Variants in RBM33 observed in about 807,000 individuals in gnomAD.
RBM33 encodes the protein RNA binding motif protein 33, also known as RNA-binding protein 33.
A neutral mutation model predicts 132.6 loss-of-function variants in RBM33; 28 were observed. The observed-to-expected ratio is 0.21, with a 90% CI of 0.16 to 0.29. The LOEUF is 0.29. RBM33 is among the 10% of genes least tolerant of loss of function. The pLI, the probability that RBM33 is intolerant of heterozygous loss-of-function variation, is 1.00. For synonymous variants in RBM33, 634 were observed against 593.0 expected (o/e 1.07, Z -1.01); for missense variants, 1,291 against 1,518.5 (o/e 0.85, Z 2.49).
intron 1 of RBM33, among the ~76,000 whole-genome samples, chr7:155,661,148 T>A (rs545815128): frequency 0.074 from 3,039 of 41,100 alleles, 162 homozygotes; most frequent in South Asian, 0.18. Flanking sequence ...ATATATATAT[T>A]TTTTTTTTTT....
chr7:155,675,642 T>C (rs552890410), intron 3 of RBM33, among the ~76,000 whole-genome samples: 1 of 152,298 alleles, frequency 6.6e-6, no homozygotes, highest in African/African-American at 2.4e-5. Context: ...ACGCACTCAC[T>C]CCCTACCTCC....
chr7:155,685,484 A>C (rs1030381314), intron 5 of RBM33, among the ~76,000 whole-genome samples: 2 of 152,204 alleles, frequency 1.3e-5, no homozygotes, highest in Non-Finnish European at 2.9e-5. Flanking sequence ...AGTCTAATAT[A>C]GGAGAGAAAA....
chr7:155,647,987 G>T (rs912317770), intron 1 of RBM33, among the ~76,000 whole-genome samples: 11 of 152,260 alleles, frequency 7.2e-5, no homozygotes, highest in African/African-American at 2.2e-4. Context: ...CCTAGTGAGT[G>T]CGTTATCTCA....
In RBM33 at chr7:155,750,731, G is replaced by GTT. The variant is rs34083810; in HGVS notation, c.2979+5142_2979+5143dup. ...TTTTAGTTGAAGGAAAAAGAAAATG[G>GTT]TTTTTTTTTTTTTTGGAGTGGCTGT... On this transcript the variant is annotated intron_variant, in intron 14 of 17. Transcript: ENST00000401878. Among the ~76,000 whole-genome samples, 204 of 141,128 alleles carry GTT rather than the reference G, an allele frequency of 1.4e-3. 1 individual carries two copies. Among genetic ancestry groups the GTT allele is most frequent in the African/African-American group, 4.9e-3 (189 of 38,828 alleles). 92.6% of individuals were successfully genotyped at this position (141,128 alleles called of 152,430 possible). A position where few individuals can be genotyped will look rare whatever the true frequency, so the allele number is the denominator to read the frequency against.
intron 1 of RBM33, among the ~76,000 whole-genome samples, chr7:155,646,750 C>G (rs950140814): frequency 6.6e-6 from 1 of 152,158 alleles, no homozygotes; most frequent in African/African-American, 2.4e-5. Flanking sequence ...GAACGTTTAT[C>G]TTAATTTGTA....
chr7:155,706,213 T>C (rs2116967770), intron 6 of RBM33, among the ~76,000 whole-genome samples: 1 of 152,300 alleles, frequency 6.6e-6, no homozygotes, highest in South Asian at 2.1e-4. Context: ...GACTGCAGGC[T>C]GGGCGCGGTG....
intron 6 of RBM33, among the ~76,000 whole-genome samples, chr7:155,703,670 C>A (rs537634802): frequency 1.3e-5 from 2 of 152,216 alleles, no homozygotes; most frequent in East Asian, 3.9e-4. Context: ...TCTCTTGTTA[C>A]CTTCAGTACC....
intron 16 of RBM33, among the ~76,000 whole-genome samples, chr7:155,770,665 G>C (rs1203050275): frequency 6.7e-6 from 1 of 148,990 alleles, no homozygotes; most frequent in Non-Finnish European, 1.5e-5. Context: ...GGGAGAAAAA[G>C]AGCTTGGTGT....
In RBM33 at chr7:155,711,243, A is replaced by AGCC; in HGVS notation, c.991_993dup (p.Pro331dup). On this transcript the variant is annotated inframe_insertion, in exon 8 of 18. Transcript: ENST00000401878. ...CCACCGCCACCGCCGCCTCAGCAGC[A>AGCC]GCCGATCAGAAGCCTGTTCCAGCCG... 4 of 1,596,248 alleles carry AGCC rather than the reference A, an allele frequency of 2.5e-6. No individual in the cohort carries two copies. The highest frequency in any genetic ancestry group is 3.4e-6 in the Non-Finnish European group (4 of 1,171,826).
chr7:155,673,940 G>GTTGTTGTTTTTTTTT, intron 3 of RBM33, among the ~76,000 whole-genome samples: 13 of 54,192 alleles, frequency 2.4e-4, no homozygotes, highest in African/African-American at 9.9e-4. Context: ...TTTAGGCTTA[G>GTTGTTGTTTTTTTTT]TTTTTTTTTT....
At chr7:155,748,610 G>A (rs558186371) in intron 14 of RBM33, among the ~76,000 whole-genome samples, 6 of 152,112 alleles carry the variant, frequency 3.9e-5, no homozygotes, top group Admixed American at 6.5e-5. Context: ...ATAATTTATC[G>A]TTGGGTTTTA....
At chr7:155,691,725 T>A (rs979177829) in intron 5 of RBM33, among the ~76,000 whole-genome samples, 2 of 152,166 alleles carry the variant, frequency 1.3e-5, no homozygotes, top group African/African-American at 4.8e-5. Context: ...TGGACAGTCC[T>A]AATTAATACA....
chr7:155,695,426 T>C (rs1013509101), intron 5 of RBM33, among the ~76,000 whole-genome samples: 1 of 152,164 alleles, frequency 6.6e-6, no homozygotes, highest in African/African-American at 2.4e-5. Context: ...ATTCGTATTA[T>C]AAATATTTTC....
At chr7:155,672,750 A>G in intron 2 of RBM33, 117 bp from the exon 3 acceptor site, 2 of 436,054 alleles carry the variant, frequency 4.6e-6, no homozygotes, top group African/African-American at 2.1e-5. Flanking sequence ...GTCTCAAAAA[A>G]AAAAAAAAAA....
At chr7:155,771,113 C>T (rs768126266) in intron 16 of RBM33, among the ~76,000 whole-genome samples, 27 of 152,110 alleles carry the variant, frequency 1.8e-4, no homozygotes, top group Middle Eastern at 3.2e-3. Flanking sequence ...AGAAGGAGGT[C>T]CTTACATAGG....
At position 155,773,835 on chromosome 7, in the gene RBM33, T is replaced by TAGATG. The variant is rs566980603; in HGVS notation, c.3376-723_3376-719dup. On this transcript the variant is annotated intron_variant, in intron 16 of 17. Transcript: ENST00000401878. ...TTCCTCAGGCAGCAGATTTGAGGAC[T>TAGATG]AGATGTAAGTTTCGCTTTGCAAACA... is the stretch of plus-strand genomic sequence containing the variant. 1.4e-3 allele frequency among the ~76,000 whole-genome samples: 212 copies of TAGATG among 152,330 alleles called. 4 individuals carry two copies. Among genetic ancestry groups the TAGATG allele is most frequent in the African/African-American group, 4.9e-3 (202 of 41,568 alleles).
chr7:155,694,294 CTT>C (rs979409145), intron 5 of RBM33, among the ~76,000 whole-genome samples: 51 of 152,112 alleles, frequency 3.4e-4, no homozygotes, highest in African/African-American at 1.2e-3. Context: ...AAATATCAGT[CTT>C]TTATAGTTAA....
chr7:155,725,911 G>A (rs1800784124), intron 9 of RBM33, among the ~76,000 whole-genome samples: 1 of 152,066 alleles, frequency 6.6e-6, no homozygotes, highest in Non-Finnish European at 1.5e-5. Flanking sequence ...TACCCTCTAG[G>A]AAGGTGAATA....
chr7:155,776,322 C>T lies in RBM33; in HGVS notation c.*1281C>T, dbSNP rs3801905. ...ACATTTTAGCTACCTTTTATACCTA[C>T]GATTTCATGTCACATTTACTAATAG... On this transcript the variant is annotated 3_prime_UTR_variant, in exon 18 of 18. Coordinates refer to ENST00000401878, the MANE Select transcript of RBM33 (RefSeq NM_053043.3). This position sits in a 1 kb window ranked among gnomAD's most constrained non-coding sequence, Gnocchi z 4.0. 1 of 152,380 alleles carries T rather than the reference C, an allele frequency of 6.6e-6. No individual in the cohort carries two copies. Among genetic ancestry groups the T allele is most frequent in the Non-Finnish European group, 1.5e-5 (1 of 68,020 alleles). 9.4% of individuals were successfully genotyped at this position (152,380 alleles called of 1,614,324 possible).
Sources: allele counts gnomAD v4.1 joint callset (sites outside exome capture counted in the v4.1 genomes callset), GRCh38; gene constraint gnomAD v4.1.1; non-coding constraint Gnocchi (gnomAD v3.1); transcripts MANE v1.5; gene names NCBI Gene and HGNC (gene_info 2026-07-23, HGNC 2026-07-21).